TLE4: variants seen among roughly 807,000 people sequenced by gnomAD.
TLE4 encodes TLE family member 4, transcriptional corepressor.
Under a neutral mutation model 92.8 loss-of-function variants are expected in TLE4, and 8 were observed. That is an observed-to-expected ratio of 0.09 (90% confidence interval 0.05 to 0.16). The LOEUF (loss-of-function observed/expected upper bound fraction) is 0.16, where lower values mean the gene tolerates loss of function less well. Among genes scored for constraint, TLE4 ranks in the 10% least tolerant of loss-of-function variants. The probability of loss-of-function intolerance (pLI) is 1.00; values close to 1 mark genes in which losing one functional copy is unlikely to be tolerated. For missense variants in TLE4, 675 were observed against 997.6 expected (o/e 0.68, Z 4.36); for synonymous variants, 371 against 374.1 (o/e 0.99, Z 0.10).
chr9:79,614,409 T>C (rs765909732), intron 5 of TLE4, among the ~76,000 whole-genome samples: 1 of 152,104 alleles, frequency 6.6e-6, no homozygotes, highest in Admixed American at 6.6e-5. Context: ...GATTTGCCAA[T>C]GAGTTGTTTT....
Position 79,708,247 on chromosome 9 carries a change from T to A in TLE4, c.1066T>A (p.Leu356Met). 2 of 1,609,664 alleles carry A rather than the reference T, an allele frequency of 1.2e-6. No individual in the cohort carries two copies. The highest frequency in any genetic ancestry group is 1.7e-6 in the Non-Finnish European group (2 of 1,178,952). ...TGGAAAACCACCAGGAGTTGACCCT[T>A]TGGGTTAGTAAGAAAAAAGTTTTTT... is the stretch of plus-strand genomic sequence containing the variant. ...VPGKPPGVDP[L>M]ASSLRTPMAV... Residue 356 changes from leucine to methionine, a missense_variant, in exon 12 of 20, where the codon TTG becomes ATG. Physicochemically the swap from Leu to Met is conservative, Grantham distance 15 (BLOSUM62 2). Coordinates refer to ENST00000376552, the MANE Select transcript of TLE4 (RefSeq NM_007005.6).
chr9:79,722,580 T>A lies in TLE4; in HGVS notation c.2116T>A (p.Ser706Thr). Residue 706 changes from serine to threonine, a missense_variant, in exon 18 of 20, where the codon TCG (serine) becomes ACG (threonine). Physicochemically the swap from Ser to Thr is moderately conservative, Grantham distance 58. Coordinates refer to ENST00000376552, the MANE Select transcript of TLE4 (RefSeq NM_007005.6). ...ACATCTTCATGAGAGCTGTGTGCTG[T>A]CGCTCAAGTTTGCCCATTGTGGTAA... ...QLHLHESCVL[S>T]LKFAHCGKWF... 6.2e-7 allele frequency: 1 copy of A among 1,614,130 alleles called. No homozygotes were observed. Among genetic ancestry groups the A allele is most frequent in the Non-Finnish European group, 8.5e-7 (1 of 1,180,016 alleles).
chr9:79,613,403 G>A (rs1412253411), intron 5 of TLE4, among the ~76,000 whole-genome samples: 2 of 152,068 alleles, frequency 1.3e-5, no homozygotes, highest in Non-Finnish European at 2.9e-5. Context: ...GGAATAAAGC[G>A]ATGCATTTCT....
intron 8 of TLE4, among the ~76,000 whole-genome samples, chr9:79,689,645 T>G (rs2135491404): frequency 6.6e-6 from 1 of 152,304 alleles, no homozygotes; most frequent in South Asian, 2.1e-4. Flanking sequence ...CTCCCAACTG[T>G]GGTTTTGAAA....
chr9:79,651,981 T>C (rs2059080312), intron 6 of TLE4, among the ~76,000 whole-genome samples: 1 of 152,190 alleles, frequency 6.6e-6, no homozygotes, highest in African/African-American at 2.4e-5. Context: ...TTTATGAGGT[T>C]TGTTAAAGAA....
intron 8 of TLE4, among the ~76,000 whole-genome samples, chr9:79,679,699 T>A (rs978803007): frequency 3.3e-5 from 5 of 152,232 alleles, no homozygotes; most frequent in Admixed American, 6.5e-5. Flanking sequence ...CCCATGCCTA[T>A]GTCCTGAATG....
At chr9:79,714,962 A>G (rs1039151987) in intron 14 of TLE4, among the ~76,000 whole-genome samples, 13 of 152,210 alleles carry the variant, frequency 8.5e-5, no homozygotes, top group Middle Eastern at 3.2e-3. Flanking sequence ...CTAGAGCTTT[A>G]TTATTTCCAG....
chr9:79,724,062 A>T (rs73652245), intron 19 of TLE4, among the ~76,000 whole-genome samples: 4 of 152,198 alleles, frequency 2.6e-5, no homozygotes, highest in African/African-American at 9.7e-5. Context: ...ATGGTATACA[A>T]AATTCTATGG....
At chr9:79,708,061 A>G in intron 11 of TLE4, 57 bp from the exon 12 acceptor site, 1 of 1,567,170 alleles carries the variant, frequency 6.4e-7, no homozygotes, top group Non-Finnish European at 8.8e-7. Context: ...TTTACTGTTT[A>G]ACGTCATTGT....
chr9:79,703,999 C>T (rs2070752393), intron 8 of TLE4, among the ~76,000 whole-genome samples: 3 of 151,914 alleles, frequency 2.0e-5, no homozygotes, highest in African/African-American at 7.3e-5. Flanking sequence ...TCTATAGAAG[C>T]TTGAAATGCT....
chr9:79,635,756 C>T (rs1310995492), intron 6 of TLE4, among the ~76,000 whole-genome samples: 1 of 152,098 alleles, frequency 6.6e-6, no homozygotes, highest in East Asian at 1.9e-4. Flanking sequence ...TAGTGCTATA[C>T]TGTGTTGATG....
At chr9:79,709,233 C>G (rs1304234153) in intron 13 of TLE4, among the ~76,000 whole-genome samples, 2 of 152,082 alleles carry the variant, frequency 1.3e-5, no homozygotes, top group East Asian at 3.9e-4. Flanking sequence ...GGTCCATTTT[C>G]TTTTGTAAGG....
intron 14 of TLE4, among the ~76,000 whole-genome samples, chr9:79,711,253 GA>G (rs2073211025): frequency 6.6e-6 from 1 of 152,298 alleles, no homozygotes; most frequent in Admixed American, 6.5e-5. Flanking sequence ...AGACAAATTA[GA>G]GTTCCTCAAG....
In TLE4 at chr9:79,624,814, C is replaced by T. The variant is rs184251793; in HGVS notation, c.316-2560C>T. 4.9e-4 allele frequency among the ~76,000 whole-genome samples: 74 copies of T among 152,232 alleles called. 1 individual carries two copies. Among genetic ancestry groups the T allele is most frequent in the Admixed American group, 1.1e-3 (17 of 15,288 alleles). Reference sequence around the variant, plus strand: ...TAAGTAGATGTATTTTCCATATCTCCGTCTCATGGAAACTATTCTTTGAAT... The same window carrying T: ...TAAGTAGATGTATTTTCCATATCTCTGTCTCATGGAAACTATTCTTTGAAT... On this transcript the variant is annotated intron_variant, in intron 5 of 19. Transcript: ENST00000376552.
chr9:79,602,129 T>C (rs1212296027), intron 4 of TLE4, among the ~76,000 whole-genome samples: 1 of 152,102 alleles, frequency 6.6e-6, no homozygotes, highest in Non-Finnish European at 1.5e-5. Flanking sequence ...AGAAGAAAGG[T>C]TTGAAGCTAG....
chr9:79,657,858 C>T (rs142778638), intron 8 of TLE4, among the ~76,000 whole-genome samples: 1 of 152,204 alleles, frequency 6.6e-6, no homozygotes, highest in Non-Finnish European at 1.5e-5. Context: ...GTGGCCTCAA[C>T]CAAGTTGCTA....
chr9:79,651,816 T>TGCAGGGAGAACTGCACA (rs1400560332), intron 6 of TLE4, among the ~76,000 whole-genome samples: 37 of 152,354 alleles, frequency 2.4e-4, no homozygotes, highest in African/African-American at 8.4e-4. Flanking sequence ...CTGCATGCTG[T>TGCAGGGAGAACTGCACA]GCAGTGGTTC....
intron 6 of TLE4, among the ~76,000 whole-genome samples, chr9:79,641,973 G>T (rs952823718): frequency 2.4e-4 from 36 of 151,920 alleles, no homozygotes; most frequent in African/African-American, 8.0e-4. Flanking sequence ...ATTAAAAAAG[G>T]GTATAGAAGA....
chr9:79,718,851 G>A lies in TLE4; in HGVS notation c.1470G>A (p.Val490=), dbSNP rs375471388. 2.4e-5 allele frequency: 39 copies of A among 1,614,036 alleles called. No individual in the cohort carries two copies. The African/African-American group carries it at 4.5e-4, about 19-fold the overall frequency. The change falls in exon 15 of 20, where the codon GTG becomes GTA. Residue 490 remains valine (V), a synonymous_variant. Transcript: ENST00000376552. ...QINTLNHGEV[V]CAVTISNPTR... Reference sequence around the variant, plus strand: ...ACACCCTCAACCACGGGGAGGTGGTGTGCGCGGTGACCATCAGCAACCCCA... The same window carrying A: ...ACACCCTCAACCACGGGGAGGTGGTATGCGCGGTGACCATCAGCAACCCCA...
Sources: allele counts gnomAD v4.1 joint callset (sites outside exome capture counted in the v4.1 genomes callset), GRCh38; gene constraint gnomAD v4.1.1; transcripts MANE v1.5; gene names NCBI Gene and HGNC (gene_info 2026-07-23, HGNC 2026-07-21).